AP3S1: variants seen among roughly 807,000 people sequenced by gnomAD.
The protein encoded by AP3S1 is AP-3 complex subunit sigma-1.
Under a neutral mutation model 21.3 loss-of-function variants are expected in AP3S1, and 12 were observed. That is an observed-to-expected ratio of 0.56 (90% CI 0.36 to 0.91). The LOEUF is 0.91. Among genes scored for constraint, AP3S1 ranks in the 40% least tolerant of loss-of-function variants. The probability of loss-of-function intolerance (pLI) is 0.01; values close to 1 mark genes in which losing one functional copy is unlikely to be tolerated. For synonymous variants in AP3S1, 48 were observed against 78.4 expected (o/e 0.61, Z 2.05); for missense variants, 116 against 225.0 (o/e 0.52, Z 3.10).
intron 3 of AP3S1, among the ~76,000 whole-genome samples, chr5:115,883,472 C>T (rs994748840): frequency 6.6e-6 from 1 of 152,220 alleles, no homozygotes; most frequent in Non-Finnish European, 1.5e-5. Context: ...TCCTCAACCC[C>T]TTACGCTTCC....
At chr5:115,890,257 T>C (rs759050910) in intron 3 of AP3S1, among the ~76,000 whole-genome samples, 8 of 152,178 alleles carry the variant, frequency 5.3e-5, no homozygotes, top group Non-Finnish European at 8.8e-5. Context: ...ACAACACAAA[T>C]TTATGTCACC....
At chr5:115,873,605 G>A (rs1748461640) in intron 3 of AP3S1, among the ~76,000 whole-genome samples, 1 of 151,786 alleles carries the variant, frequency 6.6e-6, no homozygotes, top group East Asian at 1.9e-4. Context: ...TACTGAAGAG[G>A]GAGTGTACTG....
At chr5:115,853,047 C>T in intron 1 of AP3S1, 1 of 454,166 alleles carries the variant, frequency 2.2e-6, no homozygotes, top group Non-Finnish European at 4.4e-6. Context: ...GAAGAAATGC[C>T]AGACTATATT....
chr5:115,846,446 A>T (rs75080567), intron 1 of AP3S1, among the ~76,000 whole-genome samples: 8,599 of 152,274 alleles, frequency 0.056, 500 homozygotes, highest in African/African-American at 0.15. Flanking sequence ...AGCAGGAAAA[A>T]TTTCAAATTA....
intron 3 of AP3S1, among the ~76,000 whole-genome samples, chr5:115,887,670 G>A (rs1749919975): frequency 6.6e-6 from 1 of 152,038 alleles, no homozygotes; most frequent in Non-Finnish European, 1.5e-5. Flanking sequence ...ACAACTCTAT[G>A]ATATAGTTAC....
intron 1 of AP3S1, among the ~76,000 whole-genome samples, chr5:115,850,749 CT>C (rs1371091761): frequency 6.6e-6 from 1 of 152,050 alleles, no homozygotes; most frequent in East Asian, 1.9e-4. Flanking sequence ...TACCATCGAC[CT>C]AAAAGGAAGA....
chr5:115,905,729 T>A (rs1208526521), intron 5 of AP3S1, among the ~76,000 whole-genome samples: 1 of 152,348 alleles, frequency 6.6e-6, no homozygotes, highest in African/African-American at 2.4e-5. Context: ...CATGTCCATG[T>A]TACTTCAATT....
chr5:115,867,625 CCTT>C (rs1747809375), intron 2 of AP3S1, among the ~76,000 whole-genome samples: 1 of 152,098 alleles, frequency 6.6e-6, no homozygotes, highest in Non-Finnish European at 1.5e-5. Context: ...ATCATGCTGT[CCTT>C]AAATGTCCAA....
intron 4 of AP3S1, chr5:115,898,915 A>T (rs1750983375): frequency 6.6e-6 from 1 of 152,260 alleles, no homozygotes; most frequent in African/African-American, 2.4e-5. Context: ...TTTCCTGTAT[A>T]GTGTGGCTCC....
chr5:115,891,928 G>T (rs1750341767), intron 3 of AP3S1, among the ~76,000 whole-genome samples: 2 of 152,176 alleles, frequency 1.3e-5, no homozygotes, highest in Non-Finnish European at 2.9e-5. Context: ...TCATTTTGGA[G>T]CTTTAAGATT....
rs78864570 is a variant in AP3S1, at chr5:115,841,975, C to CAGGT, written c.-63_-62insAGGT. 6.6e-7 allele frequency: 1 copy of CAGGT among 1,520,950 alleles called. No homozygotes were observed. The highest frequency in any genetic ancestry group is 8.9e-7 in the Non-Finnish European group (1 of 1,128,248). 94.2% of individuals were successfully genotyped at this position (1,520,950 alleles called of 1,614,324 possible). ...AAGGATCGCAGGCGAGATTACGAGGCGAGGCTCGCGCGCCCGCCCCCGCCC... is the reference window on the plus strand; with the variant it reads ...AAGGATCGCAGGCGAGATTACGAGGCAGGTGAGGCTCGCGCGCCCGCCCCCGCCC... On this transcript the variant is annotated 5_prime_UTR_variant, in exon 1 of 6. Transcript: ENST00000316788.
intron 4 of AP3S1, among the ~76,000 whole-genome samples, chr5:115,896,415 A>G (rs1256257330): frequency 1.3e-5 from 2 of 152,124 alleles, no homozygotes; most frequent in Non-Finnish European, 2.9e-5. Context: ...TCTAATTGCT[A>G]TGTCTAATGC....
chr5:115,906,489 T>A (rs1751663851), intron 5 of AP3S1, among the ~76,000 whole-genome samples: 1 of 152,306 alleles, frequency 6.6e-6, no homozygotes, highest in Middle Eastern at 3.4e-3. Context: ...AGCAAAGATA[T>A]ACTCTGAATG....
chr5:115,879,065 T>C (rs773819651), intron 3 of AP3S1, among the ~76,000 whole-genome samples: 7 of 152,246 alleles, frequency 4.6e-5, no homozygotes, highest in Non-Finnish European at 1.0e-4. Flanking sequence ...GAGACTTTGC[T>C]GAAGTTACTT....
intron 4 of AP3S1, among the ~76,000 whole-genome samples, chr5:115,900,891 A>G (rs542564579): frequency 6.6e-6 from 1 of 152,324 alleles, no homozygotes; most frequent in Admixed American, 6.5e-5. Flanking sequence ...ATCTAGTACA[A>G]TACTACAGAA....
At chr5:115,861,663 T>G (rs576208579) in intron 1 of AP3S1, among the ~76,000 whole-genome samples, 162 of 152,128 alleles carry the variant, frequency 1.1e-3, no homozygotes, top group Non-Finnish European at 1.9e-3. Flanking sequence ...CAAGCAATCC[T>G]CCTACCTCAG....
At chr5:115,878,332 G>T (rs1256701859) in intron 3 of AP3S1, among the ~76,000 whole-genome samples, 1 of 151,980 alleles carries the variant, frequency 6.6e-6, no homozygotes. Flanking sequence ...TTATGGTTTT[G>T]GGTCTTACGT....
At chr5:115,849,847 C>T (rs1438519007) in intron 1 of AP3S1, among the ~76,000 whole-genome samples, 1 of 151,578 alleles carries the variant, frequency 6.6e-6, no homozygotes, top group Non-Finnish European at 1.5e-5. Flanking sequence ...TGCCTGAGCC[C>T]AGGAGTTGAG....
Position 115,908,884 on chromosome 5 carries a change from C to CCA in AP3S1, c.454-4478_454-4477insCA, listed in dbSNP as rs200917332. On this transcript the variant is annotated intron_variant, in intron 5 of 5. Transcript: ENST00000316788. ...ATTTTCTTTTTTGCTCAAAAACATG[C>CCA]TTTCAAAATCTGCCATTATTTTGTT... 7.0e-3 allele frequency: 4,460 copies of CCA among 638,350 alleles called. 20 individuals carry two copies. The highest frequency in any genetic ancestry group is 0.01 in the Middle Eastern group (13 of 1,264). The allele number at this position is 638,350 out of a possible 1,614,324, so 39.5% of individuals were successfully genotyped here.
Sources: allele counts gnomAD v4.1 joint callset (sites outside exome capture counted in the v4.1 genomes callset), GRCh38; gene constraint gnomAD v4.1.1; transcripts MANE v1.5; gene names NCBI Gene and HGNC (gene_info 2026-07-23, HGNC 2026-07-21).